NINJ2: variants seen among roughly 807,000 people sequenced by gnomAD.
NINJ2 encodes the protein ninjurin-2.
In NINJ2, 12 loss-of-function variants were observed where a neutral mutation model predicts 11.7. The ratio of observed to expected loss-of-function variants is 1.02; its 90% CI spans 0.66 to 1.66. NINJ2 has a LOEUF of 1.66. NINJ2 is among the 40% of genes most tolerant of loss of function. NINJ2 has a pLI of 0.00. For synonymous variants in NINJ2, 93 were observed against 76.8 expected (o/e 1.21, Z -1.10); for missense variants, 187 against 181.8 (o/e 1.03, Z -0.16).
intron 1 of NINJ2, among the ~76,000 whole-genome samples, chr12:626,975 C>T (rs527709923): frequency 1.3e-5 from 2 of 152,196 alleles, no homozygotes; most frequent in African/African-American, 2.4e-5. Flanking sequence ...GTTACAGCTA[C>T]TCAAAAGGCT....
intron 1 of NINJ2, among the ~76,000 whole-genome samples, chr12:567,497 G>A (rs1947317260): frequency 6.6e-6 from 1 of 152,208 alleles, no homozygotes. Flanking sequence ...ATGGATGGAT[G>A]GATGGAGAGA....
rs531441152 is a variant in NINJ2, at chr12:605,152, G to A, written c.34-38974C>T. ...TCATGCCCAGCAGGACCACGTACAT[G>A]TCCCTGACAGAATGGGAGTTTCAAA... On this transcript the variant is annotated intron_variant, in intron 1 of 3. Transcript: ENST00000305108. Among the ~76,000 whole-genome samples, 4 of 152,322 alleles carry A rather than the reference G, an allele frequency of 2.6e-5. No homozygotes were observed. In the South Asian group the frequency reaches 8.3e-4, roughly 32 times the overall value.
intron 1 of NINJ2, among the ~76,000 whole-genome samples, chr12:608,517 T>C (rs1407003001): frequency 6.6e-6 from 1 of 152,172 alleles, no homozygotes; most frequent in African/African-American, 2.4e-5. Flanking sequence ...AAATGAGACA[T>C]TAAATGAGAT....
chr12:648,272 T>C lies in NINJ2; in HGVS notation c.33+15056A>G, dbSNP rs571652823. On this transcript the variant is annotated intron_variant, in intron 1 of 3. Coordinates refer to ENST00000305108, the MANE Select transcript of NINJ2 (RefSeq NM_016533.6). ...TTTGTATTTTTAGTAGAGACAGGGT[T>C]TCACCATGTTGGCCAAGCTGGTCAC... 1.2e-4 allele frequency among the ~76,000 whole-genome samples: 19 copies of C among 152,238 alleles called. No homozygotes were observed. The East Asian group carries it at 1.5e-3, about 12-fold the overall frequency.
At chr12:583,159 G>A (rs12322050) in intron 1 of NINJ2, among the ~76,000 whole-genome samples, 2,726 of 36,610 alleles carry the variant, frequency 0.074, 30 homozygotes, top group Middle Eastern at 0.14. Flanking sequence ...GAATGAATGG[G>A]TGCAGGCAGG....
rs1947428964 is a variant in NINJ2, at chr12:574,658, G to GCAAT, written c.34-8484_34-8481dup. On this transcript the variant is annotated intron_variant, in intron 1 of 3. Transcript: ENST00000305108. ...ATGAAGGCCCTCACCAGATGCCAGT[G>GCAAT]CAATGTTCTTGGACTTGCCAGTCTC... 3.9e-5 allele frequency among the ~76,000 whole-genome samples: 6 copies of GCAAT among 152,188 alleles called. No individual in the cohort carries two copies. The South Asian group carries it at 1.2e-3, about 32-fold the overall frequency.
chr12:578,751 A>G (rs1210399899), intron 1 of NINJ2, among the ~76,000 whole-genome samples: 2 of 152,166 alleles, frequency 1.3e-5, no homozygotes, highest in African/African-American at 4.8e-5. Context: ...AGTCTAAAAT[A>G]TTTATAGGTA....
intron 1 of NINJ2, among the ~76,000 whole-genome samples, chr12:595,140 G>GA (rs939486786): frequency 1.3e-4 from 19 of 144,156 alleles, no homozygotes; most frequent in Middle Eastern, 3.5e-3. Context: ...CATGCAAAAA[G>GA]AAAAAAAAAA....
intron 1 of NINJ2, among the ~76,000 whole-genome samples, chr12:631,149 T>C (rs944535040): frequency 7.2e-5 from 11 of 152,052 alleles, no homozygotes; most frequent in Admixed American, 1.3e-4. Flanking sequence ...CTGAGCACTG[T>C]GCTCAACCTA....
intron 1 of NINJ2, among the ~76,000 whole-genome samples, chr12:658,666 C>CA (rs1937908678): frequency 2.0e-5 from 1 of 51,260 alleles, no homozygotes; most frequent in Non-Finnish European, 4.0e-5. Flanking sequence ...CTATGCTATG[C>CA]TATGCTATGC....
rs1592082894 is a variant in NINJ2, at chr12:591,104, AAAG to A, written c.34-24929_34-24927del. ...CAAGGTTATAGGGAGGTGGCAGAGA[AAAG>A]AAGTTCAGCGAGAGTGGTGCCTCTT... On this transcript the variant is annotated intron_variant, in intron 1 of 3. Transcript: ENST00000305108. The surrounding 1 kb of genome is among the most constrained non-coding windows in gnomAD (Gnocchi z 5.0). The A allele has an allele frequency of 6.6e-6, 1 of 152,292 alleles. No individual in the cohort carries two copies. The highest frequency in any genetic ancestry group is 2.4e-5 in the African/African-American group (1 of 41,460). The allele number at this position is 152,292 out of a possible 1,614,324, so 9.4% of individuals were successfully genotyped here.
At chr12:598,674 T>G (rs1947822208) in intron 1 of NINJ2, among the ~76,000 whole-genome samples, 1 of 152,238 alleles carries the variant, frequency 6.6e-6, no homozygotes, top group African/African-American at 2.4e-5. Context: ...TTTAATCCTG[T>G]TTAATATTAT....
intron 1 of NINJ2, chr12:643,291 TG>T: frequency 3.2e-6 from 1 of 308,208 alleles, no homozygotes; most frequent in Non-Finnish European, 4.8e-6. Flanking sequence ...CGCGGCTGTC[TG>T]GAGACTCTGC....
chr12:599,120 G>C (rs1947829459), intron 1 of NINJ2, among the ~76,000 whole-genome samples: 1 of 151,952 alleles, frequency 6.6e-6, no homozygotes, highest in African/African-American at 2.4e-5. Flanking sequence ...GGTGGATCAT[G>C]GCTGTAATCC....
intron 1 of NINJ2, among the ~76,000 whole-genome samples, chr12:649,553 A>ATAT: frequency 6.8e-6 from 1 of 146,464 alleles, no homozygotes; most frequent in Non-Finnish European, 1.5e-5. Context: ...ATATATATAT[A>ATAT]GTAGCCCATG....
rs1484772522 is a variant in NINJ2 at position 628,110 on chromosome 12, C to A, written c.33+35218G>T. The stretch of plus-strand genomic sequence containing the variant: ...AGAGAGCTGGATCCAAAGGTCAAGG[C>A]TGAGTTTGCCAGAGCCTGCAGGATC... On this transcript the variant is annotated intron_variant, in intron 1 of 3. Coordinates refer to ENST00000305108, the MANE Select transcript of NINJ2 (RefSeq NM_016533.6). The surrounding 1 kb of genome is among the most constrained non-coding windows in gnomAD (Gnocchi z 4.4). 6.6e-6 allele frequency among the ~76,000 whole-genome samples: 1 copy of A among 152,196 alleles called. No individual in the cohort carries two copies.
intron 1 of NINJ2, among the ~76,000 whole-genome samples, chr12:616,472 A>C (rs2120359930): frequency 6.6e-6 from 1 of 152,372 alleles, no homozygotes; most frequent in Non-Finnish European, 1.5e-5. Flanking sequence ...TGGTGGCAGA[A>C]CAAAATGTTT....
At chr12:578,707 C>T (rs1947505568) in intron 1 of NINJ2, among the ~76,000 whole-genome samples, 1 of 152,202 alleles carries the variant, frequency 6.6e-6, no homozygotes, top group African/African-American at 2.4e-5. Context: ...GCCCTGGAAG[C>T]ATAGGCTGTG....
chr12:644,650 A>C lies in NINJ2; in HGVS notation c.33+18678T>G, dbSNP rs1047759646. The C allele has an allele frequency of 2.0e-5, 3 of 152,270 alleles. No individual in the cohort carries two copies. The South Asian group carries it at 6.2e-4, about 32-fold the overall frequency. The allele number at this position is 152,270 out of a possible 1,614,324, so 9.4% of individuals were successfully genotyped here. A position where few individuals can be genotyped will look rare whatever the true frequency, so the allele number is the denominator to read the frequency against. ...CGTTATAAGCACAGTACTTGGGGCTATGGGCTTCCTGAAGGTCCCAAGTAT... is the reference window on the plus strand; with the variant it reads ...CGTTATAAGCACAGTACTTGGGGCTCTGGGCTTCCTGAAGGTCCCAAGTAT... On this transcript the variant is annotated intron_variant, in intron 1 of 3. Transcript: ENST00000305108.
Sources: allele counts gnomAD v4.1 joint callset (sites outside exome capture counted in the v4.1 genomes callset), GRCh38; gene constraint gnomAD v4.1.1; non-coding constraint Gnocchi (gnomAD v3.1); transcripts MANE v1.5; gene names NCBI Gene and HGNC (gene_info 2026-07-23, HGNC 2026-07-21).